PPM1L: variants seen among roughly 807,000 people sequenced by gnomAD.
PPM1L encodes protein phosphatase 1L.
Under a neutral mutation model 31.4 loss-of-function variants are expected in PPM1L, and 13 were observed. The observed-to-expected ratio is 0.41, with a 90% CI of 0.27 to 0.66. The LOEUF is 0.66. PPM1L is among the 30% of genes least tolerant of loss of function. The pLI, the probability that PPM1L is intolerant of heterozygous loss-of-function variation, is 0.29. For missense variants in PPM1L, 326 were observed against 453.7 expected, an observed-to-expected ratio of 0.72 and a Z score of 2.56; for synonymous variants, 184 against 175.4, an observed-to-expected ratio of 1.05 and a Z score of -0.39.
chr3:161,048,570 T>A (rs1025747573), intron 2 of PPM1L, among the ~76,000 whole-genome samples: 1 of 152,126 alleles, frequency 6.6e-6, no homozygotes, highest in African/African-American at 2.4e-5. Flanking sequence ...CCCAGCCATC[T>A]CATTACTGGG....
intron 1 of PPM1L, among the ~76,000 whole-genome samples, chr3:160,821,469 ACGT>A (rs1203819300): frequency 6.6e-6 from 1 of 152,074 alleles, no homozygotes; most frequent in Non-Finnish European, 1.5e-5. Context: ...ATTTTCTCTA[ACGT>A]CGTCAAAATA....
chr3:160,976,157 T>C (rs1242845269), intron 2 of PPM1L, among the ~76,000 whole-genome samples: 1 of 104,522 alleles, frequency 9.6e-6, no homozygotes, highest in Non-Finnish European at 1.9e-5. Flanking sequence ...TTTGGCTCTG[T>C]TTATATGCTG....
intron 1 of PPM1L, among the ~76,000 whole-genome samples, chr3:160,787,000 A>G (rs1448236668): frequency 6.6e-6 from 1 of 152,148 alleles, no homozygotes; most frequent in Admixed American, 6.6e-5. Context: ...TATTCTATCC[A>G]TCATTGAGGG....
chr3:160,926,617 G>T (rs7633319), intron 1 of PPM1L, among the ~76,000 whole-genome samples: 2,371 of 152,244 alleles, frequency 0.016, 56 homozygotes, highest in African/African-American at 0.053. Context: ...TGGAGCAAAA[G>T]AATCTGTTAG....
intron 1 of PPM1L, among the ~76,000 whole-genome samples, chr3:160,958,392 C>A (rs541326072): frequency 6.6e-6 from 1 of 152,214 alleles, no homozygotes; most frequent in East Asian, 1.9e-4. Context: ...CCAGGAATCC[C>A]ATGGTGTGCT....
intron 2 of PPM1L, among the ~76,000 whole-genome samples, chr3:161,009,297 A>C (rs1559922861): frequency 6.6e-6 from 1 of 152,186 alleles, no homozygotes; most frequent in Non-Finnish European, 1.5e-5. Flanking sequence ...TGTTTTCCCT[A>C]TAGATGCTTT....
intron 2 of PPM1L, among the ~76,000 whole-genome samples, chr3:161,057,411 A>G (rs1397756315): frequency 2.0e-5 from 3 of 152,138 alleles, no homozygotes; most frequent in Non-Finnish European, 4.4e-5. Flanking sequence ...AATGGGTAAG[A>G]AAACACTTCA....
At chr3:160,873,801 C>T (rs1202789025) in intron 1 of PPM1L, among the ~76,000 whole-genome samples, 2 of 152,128 alleles carry the variant, frequency 1.3e-5, no homozygotes, top group Non-Finnish European at 2.9e-5. Flanking sequence ...CCCCCCTCAG[C>T]CTCCCAGAGT....
intron 1 of PPM1L, among the ~76,000 whole-genome samples, chr3:160,919,926 A>G (rs1386279099): frequency 2.0e-5 from 3 of 152,052 alleles, no homozygotes; most frequent in Non-Finnish European, 4.4e-5. Flanking sequence ...GATGTCGCCC[A>G]TTGTTGGGAT....
chr3:161,065,171 TATA>T (rs1173037670), intron 2 of PPM1L, among the ~76,000 whole-genome samples: 1 of 152,172 alleles, frequency 6.6e-6, no homozygotes, highest in Non-Finnish European at 1.5e-5. Flanking sequence ...TTAGGAAAAT[TATA>T]ATGTTATCCT....
chr3:160,781,797 T>C (rs1711754130), intron 1 of PPM1L, among the ~76,000 whole-genome samples: 1 of 152,220 alleles, frequency 6.6e-6, no homozygotes, highest in South Asian at 2.1e-4. Flanking sequence ...AGGCCCTTTA[T>C]ATATCTTCTT....
intron 2 of PPM1L, among the ~76,000 whole-genome samples, chr3:160,996,352 C>A (rs1415772460): frequency 2.0e-5 from 3 of 152,162 alleles, no homozygotes; most frequent in Non-Finnish European, 4.4e-5. Flanking sequence ...ATTTTAATAG[C>A]AGCACAATTC....
intron 1 of PPM1L, among the ~76,000 whole-genome samples, chr3:160,955,639 T>C (rs6797498): frequency 0.84 from 126,162 of 150,238 alleles, 53,287 homozygotes; most frequent in Middle Eastern, 0.92. Context: ...TAGAATTGGC[T>C]GGCTAACAAG....
chr3:160,778,646 G>T (rs193066968), intron 1 of PPM1L, among the ~76,000 whole-genome samples: 62 of 152,330 alleles, frequency 4.1e-4, no homozygotes, highest in African/African-American at 1.4e-3. Context: ...GTGGTTCTCA[G>T]CATGGGTTCA....
intron 2 of PPM1L, among the ~76,000 whole-genome samples, chr3:160,997,347 T>C (rs1429930089): frequency 6.6e-6 from 1 of 152,186 alleles, no homozygotes; most frequent in African/African-American, 2.4e-5. Context: ...GGAGGTGGAC[T>C]CTGTTCCTCA....
In PPM1L at chr3:160,854,248, A is replaced by C. The variant is rs572053145; in HGVS notation, c.399+97541A>C. ...TGTTGCCCATGCTTACCTGAAATTC[A>C]GAAAACTTATCTTGAAGGAGCCAGA... On this transcript the variant is annotated intron_variant, in intron 1 of 3. Coordinates refer to ENST00000498165, the MANE Select transcript of PPM1L (RefSeq NM_139245.4). Among the ~76,000 whole-genome samples, 25 of 152,346 alleles carry C rather than the reference A, an allele frequency of 1.6e-4. 1 individual carries two copies. In the South Asian group the frequency reaches 3.1e-3, roughly 19 times the overall value.
rs541121543 is a variant in PPM1L at position 160,860,516 on chromosome 3, C to T, written c.400-101220C>T. On this transcript the variant is annotated intron_variant, in intron 1 of 3. Transcript: ENST00000498165. ...AAGGAAGCAGATGGTAAGGGACCCACGATGAAGTAATAAGGCATCCAGCTG... is the reference window on the plus strand; with the variant it reads ...AAGGAAGCAGATGGTAAGGGACCCATGATGAAGTAATAAGGCATCCAGCTG... Among the ~76,000 whole-genome samples, 8 of 152,136 alleles carry T rather than the reference C, an allele frequency of 5.3e-5. No homozygotes were observed. In the East Asian group the frequency reaches 7.7e-4, roughly 15 times the overall value.
chr3:161,007,428 G>C (rs1398107112), intron 2 of PPM1L, among the ~76,000 whole-genome samples: 1 of 152,222 alleles, frequency 6.6e-6, no homozygotes, highest in Admixed American at 6.5e-5. Context: ...CAGCTTGATG[G>C]GTTTGAGGGA....
intron 1 of PPM1L, among the ~76,000 whole-genome samples, chr3:160,818,339 T>C (rs750846805): frequency 4.6e-5 from 7 of 152,040 alleles, no homozygotes; most frequent in Non-Finnish European, 8.8e-5. Context: ...ATTAGCACCT[T>C]ACTCAGATTG....
Sources: gnomAD v4.1 joint callset for allele counts (sites outside exome capture counted in the v4.1 genomes callset) on GRCh38, gnomAD v4.1.1 for gene constraint, MANE v1.5 for transcripts, NCBI Gene and HGNC (gene_info 2026-07-23, HGNC 2026-07-21) for gene names.